WDR25: variants seen among roughly 807,000 people sequenced by gnomAD.
The protein encoded by WDR25 is WD repeat-containing protein 25.
Under a neutral mutation model 47.7 loss-of-function variants are expected in WDR25, and 35 were observed. The ratio of observed to expected loss-of-function variants is 0.73; its 90% CI spans 0.56 to 0.97. WDR25 has a LOEUF of 0.97. Among genes scored for constraint, WDR25 ranks in the 50% least tolerant of loss-of-function variants. The probability of loss-of-function intolerance (pLI) is 0.00; values close to 1 mark genes in which losing one functional copy is unlikely to be tolerated. For missense variants in WDR25, 634 were observed against 704.7 expected (o/e 0.90, Z 1.14); for synonymous variants, 248 against 278.9 (o/e 0.89, Z 1.10).
At chr14:100,459,057 T>C (rs751636281) in intron 2 of WDR25, among the ~76,000 whole-genome samples, 5 of 151,902 alleles carry the variant, frequency 3.3e-5, no homozygotes, top group African/African-American at 7.3e-5. Flanking sequence ...AAATAGCAAA[T>C]AGAAAAATAG....
intron 2 of WDR25, among the ~76,000 whole-genome samples, chr14:100,405,178 T>TTTTTTTTTTTTTTTTG: frequency 6.6e-6 from 1 of 150,400 alleles, no homozygotes; most frequent in African/African-American, 2.5e-5. Context: ...CTTTTTTTTT[T>TTTTTTTTTTTTTTTTG]GAGATGGAGT....
At chr14:100,516,634 G>A (rs780485638) in intron 4 of WDR25, among the ~76,000 whole-genome samples, 12 of 152,026 alleles carry the variant, frequency 7.9e-5, no homozygotes, top group East Asian at 1.9e-4. Context: ...TATTCCTGGC[G>A]GTTTTCCTTG....
intron 2 of WDR25, among the ~76,000 whole-genome samples, chr14:100,420,980 A>G (rs998566153): frequency 6.6e-6 from 1 of 152,112 alleles, no homozygotes; most frequent in African/African-American, 2.4e-5. Flanking sequence ...CTCTGGCTGG[A>G]TGAGTCTTTT....
intron 2 of WDR25, among the ~76,000 whole-genome samples, chr14:100,461,512 T>G (rs1455841692): frequency 1.3e-5 from 2 of 152,216 alleles, no homozygotes; most frequent in African/African-American, 4.8e-5. Context: ...GAGAGAGACA[T>G]CCTGTTCATG....
intron 2 of WDR25, among the ~76,000 whole-genome samples, chr14:100,389,459 T>A (rs2140149886): frequency 6.6e-6 from 1 of 152,350 alleles, no homozygotes; most frequent in African/African-American, 2.4e-5. Flanking sequence ...GTCAGGTGTT[T>A]TCTTTTGTCT....
At chr14:100,484,394 A>G (rs554224567) in intron 4 of WDR25, among the ~76,000 whole-genome samples, 4 of 152,236 alleles carry the variant, frequency 2.6e-5, no homozygotes, top group Non-Finnish European at 5.9e-5. Context: ...TCCAGATGAT[A>G]TAAAATGAAT....
intron 4 of WDR25, among the ~76,000 whole-genome samples, chr14:100,495,409 C>T (rs1031888835): frequency 6.6e-6 from 1 of 152,158 alleles, no homozygotes; most frequent in African/African-American, 2.4e-5. Flanking sequence ...TTCTTTTTCT[C>T]CTTCTGCTGG....
intron 3 of WDR25, among the ~76,000 whole-genome samples, chr14:100,472,232 C>G (rs1435882500): frequency 6.6e-6 from 1 of 152,240 alleles, no homozygotes; most frequent in African/African-American, 2.4e-5. Flanking sequence ...GCAGGGAACC[C>G]TGTCCTCCTT....
intron 2 of WDR25, among the ~76,000 whole-genome samples, chr14:100,458,291 C>T (rs1899269536): frequency 6.6e-6 from 1 of 152,106 alleles, no homozygotes; most frequent in Non-Finnish European, 1.5e-5. Flanking sequence ...TAAAGAGACT[C>T]ATAACAACAA....
chr14:100,519,723 CTATATAT>C (rs1901634950), intron 4 of WDR25, among the ~76,000 whole-genome samples: 2 of 136,178 alleles, frequency 1.5e-5, no homozygotes, highest in African/African-American at 5.5e-5. Context: ...TGTATATATA[CTATATAT>C]AGTGTATATA....
chr14:100,389,012 C>T (rs556779287), intron 2 of WDR25, among the ~76,000 whole-genome samples: 4 of 152,266 alleles, frequency 2.6e-5, no homozygotes, highest in South Asian at 2.1e-4. Flanking sequence ...ACTTAGGAGT[C>T]GAGACAGTCT....
intron 2 of WDR25, among the ~76,000 whole-genome samples, chr14:100,414,419 TCTC>T (rs1440009163): frequency 6.6e-6 from 1 of 151,140 alleles, no homozygotes; most frequent in Admixed American, 6.6e-5. Context: ...CTCAAGCAAT[TCTC>T]CTGTCTCAGC....
chr14:100,522,602 A>G (rs932124875), intron 4 of WDR25, among the ~76,000 whole-genome samples: 1 of 152,118 alleles, frequency 6.6e-6, no homozygotes, highest in Admixed American at 6.5e-5. Context: ...TGGGGAGGAG[A>G]AGGTTTACAA....
intron 2 of WDR25, among the ~76,000 whole-genome samples, chr14:100,388,070 G>A (rs1484730855): frequency 6.6e-6 from 1 of 152,220 alleles, no homozygotes; most frequent in African/African-American, 2.4e-5. Flanking sequence ...AGTTTTGAAA[G>A]AATTATTCTT....
chr14:100,510,570 T>A (rs1292396535), intron 4 of WDR25, among the ~76,000 whole-genome samples: 1 of 151,704 alleles, frequency 6.6e-6, no homozygotes, highest in Non-Finnish European at 1.5e-5. Flanking sequence ...ACCCCGTCTC[T>A]ACTAAAAATA....
rs79535413 is a variant in WDR25, at chr14:100,527,577, G to T, written c.1273-1491G>T. Among the ~76,000 whole-genome samples the T allele has an allele frequency of 1.6e-3, 247 of 152,318 alleles. 11 individuals carry two copies. In the East Asian group the frequency reaches 0.039, roughly 24 times the overall value. ...AGACCTCCACTGCAGGGTGTCCCAG[G>T]GCAACCCATTGGGCAGGACAGGCCC... On this transcript the variant is annotated intron_variant, in intron 5 of 6. Coordinates refer to ENST00000402312, the MANE Select transcript of WDR25 (RefSeq NM_001161476.3).
chr14:100,417,123 G>A (rs987847843), intron 2 of WDR25, among the ~76,000 whole-genome samples: 7 of 152,214 alleles, frequency 4.6e-5, no homozygotes, highest in African/African-American at 1.4e-4. Flanking sequence ...TTGGTGAGCC[G>A]AGCCTGGGCC....
intron 2 of WDR25, among the ~76,000 whole-genome samples, chr14:100,391,846 G>C (rs1381724409): frequency 3.3e-5 from 5 of 152,172 alleles, no homozygotes; most frequent in Non-Finnish European, 7.3e-5. Flanking sequence ...ATAATACCTA[G>C]GAGTTATTTG....
chr14:100,498,972 T>C lies in WDR25; in HGVS notation c.1101+14848T>C, dbSNP rs1165939358. ...CCCTGTGACTTGGGTGCAAGCAGGG[T>C]GTAGGGGTAGAGGCAAAAAAGGGCC... On this transcript the variant is annotated intron_variant, in intron 4 of 6. Coordinates refer to ENST00000402312, the MANE Select transcript of WDR25 (RefSeq NM_001161476.3). This position sits in a 1 kb window ranked among gnomAD's most constrained non-coding sequence, Gnocchi z 4.2. Among the ~76,000 whole-genome samples, 1 of 151,672 alleles carries C rather than the reference T, an allele frequency of 6.6e-6. No individual in the cohort carries two copies. Among genetic ancestry groups the C allele is most frequent in the Non-Finnish European group, 1.5e-5 (1 of 67,938 alleles).
Sources: allele counts gnomAD v4.1 joint callset (sites outside exome capture counted in the v4.1 genomes callset), GRCh38; gene constraint gnomAD v4.1.1; non-coding constraint Gnocchi (gnomAD v3.1); transcripts MANE v1.5; gene names NCBI Gene and HGNC (gene_info 2026-07-23, HGNC 2026-07-21).